ZNF804A: variants seen among roughly 807,000 people sequenced by gnomAD.
The protein encoded by ZNF804A is zinc finger protein 804A.
ZNF804A carries 2 observed loss-of-function variants against 16.5 expected under a neutral mutation model. The observed-to-expected ratio is 0.12, with a 90% CI of 0.05 to 0.38. The LOEUF is 0.38. ZNF804A is among the 10% of genes least tolerant of loss of function. ZNF804A has a pLI of 0.99. For missense variants in ZNF804A, 1,473 were observed against 1,390.7 expected, an observed-to-expected ratio of 1.06 and a Z score of -0.94; for synonymous variants, 534 against 489.6, an observed-to-expected ratio of 1.09 and a Z score of -1.20.
At chr2:184,817,017 G>A (rs1045364163) in intron 1 of ZNF804A, among the ~76,000 whole-genome samples, 3 of 151,884 alleles carry the variant, frequency 2.0e-5, no homozygotes, top group Non-Finnish European at 4.4e-5. Flanking sequence ...ATTAATATTT[G>A]TAGTTAAAAG....
chr2:184,709,699 C>T (rs1693091734), intron 1 of ZNF804A, among the ~76,000 whole-genome samples: 1 of 151,180 alleles, frequency 6.6e-6, no homozygotes, highest in African/African-American at 2.4e-5. Flanking sequence ...AGGTGACTTC[C>T]AAAATAATGA....
chr2:184,622,004 A>T (rs892096107), intron 1 of ZNF804A, among the ~76,000 whole-genome samples: 8 of 151,742 alleles, frequency 5.3e-5, no homozygotes, highest in African/African-American at 1.9e-4. Flanking sequence ...CATTAATTTG[A>T]CTGTTCTGTA....
chr2:184,671,567 G>A (rs527531719), intron 1 of ZNF804A, among the ~76,000 whole-genome samples: 2 of 152,202 alleles, frequency 1.3e-5, no homozygotes, highest in South Asian at 2.1e-4. Flanking sequence ...AGTGATTAAC[G>A]GCATTCCTCT....
intron 1 of ZNF804A, among the ~76,000 whole-genome samples, chr2:184,742,740 A>G (rs1426767052): frequency 6.6e-6 from 1 of 151,562 alleles, no homozygotes; most frequent in Non-Finnish European, 1.5e-5. Context: ...AAATATATAT[A>G]TATACATACA....
intron 1 of ZNF804A, among the ~76,000 whole-genome samples, chr2:184,777,177 C>T (rs1275994562): frequency 6.6e-6 from 1 of 151,468 alleles, no homozygotes; most frequent in Admixed American, 6.6e-5. Context: ...ATCTTTCAAC[C>T]CCCAAACTAT....
At chr2:184,891,220 T>C (rs1475905678) in intron 2 of ZNF804A, among the ~76,000 whole-genome samples, 2 of 152,162 alleles carry the variant, frequency 1.3e-5, no homozygotes, top group Non-Finnish European at 1.5e-5. Flanking sequence ...TTATTTTTCC[T>C]GCCCCCTGAA....
At chr2:184,625,944 G>A (rs769571078) in intron 1 of ZNF804A, among the ~76,000 whole-genome samples, 4 of 151,952 alleles carry the variant, frequency 2.6e-5, no homozygotes, top group Non-Finnish European at 5.9e-5. Flanking sequence ...TCTCTGCTCA[G>A]TGCAAGCTCT....
At chr2:184,681,667 G>A (rs1692541945) in intron 1 of ZNF804A, among the ~76,000 whole-genome samples, 1 of 152,228 alleles carries the variant, frequency 6.6e-6, no homozygotes, top group South Asian at 2.1e-4. Context: ...TGCAGTCACT[G>A]CAGGGATGCC....
chr2:184,917,794 T>TAC (rs148689593), intron 2 of ZNF804A, among the ~76,000 whole-genome samples: 3,692 of 142,962 alleles, frequency 0.026, 72 homozygotes, highest in Admixed American at 0.056. Flanking sequence ...AACTAGCACA[T>TAC]ACACACACAC....
intron 1 of ZNF804A, among the ~76,000 whole-genome samples, chr2:184,792,556 T>G (rs1352766865): frequency 6.6e-6 from 1 of 152,180 alleles, no homozygotes; most frequent in Non-Finnish European, 1.5e-5. Flanking sequence ...ATCTTGAATA[T>G]ATTCTCTTGA....
chr2:184,732,180 G>A (rs1693530922), intron 1 of ZNF804A, among the ~76,000 whole-genome samples: 1 of 150,866 alleles, frequency 6.6e-6, no homozygotes, highest in South Asian at 2.1e-4. Context: ...TTATAGTTTT[G>A]TGTTTCATAT....
At chr2:184,636,442 TGTGTGTGTGTGA>T (rs1280782315) in intron 1 of ZNF804A, among the ~76,000 whole-genome samples, 17 of 137,216 alleles carry the variant, frequency 1.2e-4, no homozygotes, top group Non-Finnish European at 2.1e-4. Context: ...TGTGTGTGTG[TGTGTGTGTGTGA>T]GAGAGAGAGA....
At chr2:184,701,004 TA>T (rs1373360679) in intron 1 of ZNF804A, among the ~76,000 whole-genome samples, 21 of 151,890 alleles carry the variant, frequency 1.4e-4, no homozygotes, top group African/African-American at 4.8e-4. Context: ...TTTGGAAAAA[TA>T]AAATACATTG....
intron 1 of ZNF804A, among the ~76,000 whole-genome samples, chr2:184,635,958 A>G (rs1055864647): frequency 6.6e-6 from 1 of 152,182 alleles, no homozygotes; most frequent in African/African-American, 2.4e-5. Context: ...TTCCACTACT[A>G]TTTGAAAATA....
intron 1 of ZNF804A, among the ~76,000 whole-genome samples, chr2:184,634,950 A>G (rs929743863): frequency 2.0e-5 from 3 of 150,304 alleles, no homozygotes; most frequent in Non-Finnish European, 3.0e-5. Flanking sequence ...TTGCATTGCT[A>G]ATTTTGTATT....
At chr2:184,605,222 C>A (rs1691125143) in intron 1 of ZNF804A, among the ~76,000 whole-genome samples, 1 of 151,332 alleles carries the variant, frequency 6.6e-6, no homozygotes. Context: ...GTAATCCTAC[C>A]AAAAAAAGAT....
intron 2 of ZNF804A, among the ~76,000 whole-genome samples, chr2:184,885,238 G>A (rs79507771): frequency 0.014 from 2,067 of 152,274 alleles, 13 homozygotes; most frequent in Non-Finnish European, 0.016. Context: ...TACACTGCTC[G>A]TATGAAGGTA....
At chr2:184,918,384 A>C (rs1685482816) in intron 2 of ZNF804A, among the ~76,000 whole-genome samples, 1 of 152,186 alleles carries the variant, frequency 6.6e-6, no homozygotes, top group Non-Finnish European at 1.5e-5. Flanking sequence ...CATAAATAGG[A>C]AGCCAAAAAT....
intron 1 of ZNF804A, among the ~76,000 whole-genome samples, chr2:184,700,952 T>C (rs1393446250): frequency 6.6e-6 from 1 of 151,968 alleles, no homozygotes; most frequent in Admixed American, 6.6e-5. Context: ...ACATGTATTA[T>C]TTCTTTGTAG....
Sources: allele counts gnomAD v4.1 joint callset (sites outside exome capture counted in the v4.1 genomes callset), GRCh38; gene constraint gnomAD v4.1.1; transcripts MANE v1.5; gene names NCBI Gene and HGNC (gene_info 2026-07-23, HGNC 2026-07-21).